The following MAPKAP1 variants were observed in gnomAD, a reference collection of about 807,000 sequenced individuals.
MAPKAP1 encodes MAPK associated protein 1.
A neutral mutation model predicts 65.7 loss-of-function variants in MAPKAP1; 20 were observed. The ratio of observed to expected loss-of-function variants is 0.30; its 90% CI spans 0.21 to 0.44. The LOEUF is 0.44. MAPKAP1 is among the 20% of genes least tolerant of loss of function. The pLI is 1.00. For missense variants in MAPKAP1, 423 were observed against 648.0 expected, an observed-to-expected ratio of 0.65 and a Z score of 3.77; for synonymous variants, 222 against 244.3, an observed-to-expected ratio of 0.91 and a Z score of 0.85.
chr9:125,614,295 A>G (rs1383009489), intron 4 of MAPKAP1, among the ~76,000 whole-genome samples: 1 of 147,322 alleles, frequency 6.8e-6, no homozygotes, highest in African/African-American at 2.4e-5. Flanking sequence ...ATCAAATACT[A>G]GGTTGGTTTA....
intron 7 of MAPKAP1, among the ~76,000 whole-genome samples, chr9:125,541,641 T>A (rs1439888440): frequency 6.6e-6 from 1 of 152,000 alleles, no homozygotes; most frequent in African/African-American, 2.4e-5. Context: ...TCTTCAATCA[T>A]CCCCTAAATG....
intron 5 of MAPKAP1, 40 bp downstream of exon 5, chr9:125,585,515 A>ACC: frequency 6.2e-7 from 1 of 1,600,206 alleles, no homozygotes; most frequent in African/African-American, 1.3e-5. Flanking sequence ...TGGCCAAAAG[A>ACC]CCACAAGAAA....
intron 1 of MAPKAP1, among the ~76,000 whole-genome samples, chr9:125,693,487 A>C (rs1433765069): frequency 6.8e-6 from 1 of 147,142 alleles, no homozygotes; most frequent in African/African-American, 2.6e-5. Context: ...ACATATACAC[A>C]TATATACACA....
intron 7 of MAPKAP1, among the ~76,000 whole-genome samples, chr9:125,538,835 T>C (rs916715741): frequency 1.3e-5 from 2 of 152,150 alleles, no homozygotes; most frequent in Admixed American, 6.5e-5. Context: ...GGGGAGCACA[T>C]AAGTGAATGT....
chr9:125,666,190 C>T (rs908153522), intron 3 of MAPKAP1, among the ~76,000 whole-genome samples: 1 of 152,142 alleles, frequency 6.6e-6, no homozygotes, highest in African/African-American at 2.4e-5. Flanking sequence ...GTTTTAGTTA[C>T]AAGAATATTA....
At chr9:125,600,153 C>A (rs1346069802) in intron 4 of MAPKAP1, among the ~76,000 whole-genome samples, 1 of 149,722 alleles carries the variant, frequency 6.7e-6, no homozygotes, top group Non-Finnish European at 1.5e-5. Context: ...AACTGAAAAA[C>A]TAGCAATCAT....
chr9:125,584,705 G>A (rs928599184), intron 5 of MAPKAP1, among the ~76,000 whole-genome samples: 1 of 152,174 alleles, frequency 6.6e-6, no homozygotes, highest in Non-Finnish European at 1.5e-5. Context: ...GGGATTACAG[G>A]TGTGAGCCCC....
At chr9:125,697,671 T>C (rs1835425997) in intron 1 of MAPKAP1, among the ~76,000 whole-genome samples, 1 of 152,210 alleles carries the variant, frequency 6.6e-6, no homozygotes, top group South Asian at 2.1e-4. Context: ...TCTTTCGACA[T>C]CTCTGATTTC....
chr9:125,679,353 A>C (rs934107481), intron 1 of MAPKAP1, among the ~76,000 whole-genome samples: 4 of 152,204 alleles, frequency 2.6e-5, no homozygotes, highest in African/African-American at 9.7e-5. Context: ...AAGGCCTGAG[A>C]GAAATTTCCC....
At chr9:125,456,476 C>T (rs1461641482) in intron 10 of MAPKAP1, among the ~76,000 whole-genome samples, 2 of 152,214 alleles carry the variant, frequency 1.3e-5, no homozygotes, top group Non-Finnish European at 2.9e-5. Context: ...AATGATCCTA[C>T]CTTCTGCTTT....
chr9:125,640,547 T>C (rs1378437266), intron 4 of MAPKAP1, among the ~76,000 whole-genome samples: 2 of 152,026 alleles, frequency 1.3e-5, no homozygotes, highest in Admixed American at 6.6e-5. Context: ...CTACCTTGCC[T>C]ACAGTATTCT....
intron 8 of MAPKAP1, among the ~76,000 whole-genome samples, chr9:125,496,520 A>G (rs1442761629): frequency 6.6e-6 from 1 of 152,228 alleles, no homozygotes; most frequent in Non-Finnish European, 1.5e-5. Context: ...TGCTTAAGTC[A>G]CATGATAGAA....
At chr9:125,664,436 C>T (rs373577060) in intron 3 of MAPKAP1, among the ~76,000 whole-genome samples, 18 of 151,452 alleles carry the variant, frequency 1.2e-4, no homozygotes, top group African/African-American at 4.1e-4. Flanking sequence ...TCCTATTTAT[C>T]ATGGTAGGCT....
intron 7 of MAPKAP1, among the ~76,000 whole-genome samples, chr9:125,536,393 T>C (rs1267593376): frequency 1.3e-5 from 2 of 152,220 alleles, no homozygotes; most frequent in African/African-American, 4.8e-5. Flanking sequence ...TTAAACACTT[T>C]AGCAGCCCTA....
chr9:125,587,201 C>T (rs929424766), intron 4 of MAPKAP1, among the ~76,000 whole-genome samples: 2 of 152,114 alleles, frequency 1.3e-5, no homozygotes, highest in African/African-American at 2.4e-5. Context: ...GATTAGGCAA[C>T]GATTTCTTTA....
chr9:125,462,803 T>G (rs1430638842), intron 10 of MAPKAP1, among the ~76,000 whole-genome samples: 1 of 152,366 alleles, frequency 6.6e-6, no homozygotes. Context: ...TTAGTTTAAC[T>G]GAAAACTACA....
chr9:125,552,477 A>G (rs1044948892), intron 6 of MAPKAP1, among the ~76,000 whole-genome samples: 4 of 152,244 alleles, frequency 2.6e-5, no homozygotes, highest in African/African-American at 9.6e-5. Flanking sequence ...CCTTTGCATG[A>G]TGGAATGAAG....
chr9:125,460,095 C>A (rs1310388412), intron 10 of MAPKAP1, among the ~76,000 whole-genome samples: 2 of 152,018 alleles, frequency 1.3e-5, no homozygotes, highest in East Asian at 3.9e-4. Flanking sequence ...AGGGAACAGC[C>A]CCTGCCCTTA....
intron 4 of MAPKAP1, among the ~76,000 whole-genome samples, chr9:125,610,564 C>A (rs1832568971): frequency 1.3e-5 from 2 of 152,092 alleles, no homozygotes; most frequent in African/African-American, 4.8e-5. Flanking sequence ...GACCGTGATA[C>A]CCTCCTCACA....
Sources: allele counts gnomAD v4.1 joint callset (sites outside exome capture counted in the v4.1 genomes callset), GRCh38; gene constraint gnomAD v4.1.1; transcripts MANE v1.5; gene names NCBI Gene and HGNC (gene_info 2026-07-23, HGNC 2026-07-21).